Variants in PRKG1 observed in about 807,000 individuals in gnomAD.
The protein encoded by PRKG1 is protein kinase cGMP-dependent 1.
Under a neutral mutation model 88.1 loss-of-function variants are expected in PRKG1, and 35 were observed. The ratio of observed to expected loss-of-function variants is 0.40; its 90% CI spans 0.30 to 0.53. The LOEUF is 0.53. PRKG1 is among the 20% of genes least tolerant of loss of function. The probability of loss-of-function intolerance (pLI) is 0.59; values close to 1 mark genes in which losing one functional copy is unlikely to be tolerated. For missense variants in PRKG1, 540 were observed against 839.8 expected, an observed-to-expected ratio of 0.64 and a Z score of 4.41; for synonymous variants, 303 against 292.5, an observed-to-expected ratio of 1.04 and a Z score of -0.37.
chr10:51,319,600 C>G (rs1841404113), intron 2 of PRKG1, among the ~76,000 whole-genome samples: 1 of 152,168 alleles, frequency 6.6e-6, no homozygotes, highest in Admixed American at 6.5e-5. Context: ...GGATACAGTT[C>G]AAGTTTCAGT....
At chr10:51,415,864 G>A (rs1248168767) in intron 2 of PRKG1, among the ~76,000 whole-genome samples, 4 of 151,918 alleles carry the variant, frequency 2.6e-5, no homozygotes, top group Non-Finnish European at 5.9e-5. Flanking sequence ...GGGTTAGGGG[G>A]AAATTAGATT....
At chr10:51,359,220 T>C (rs1842428007) in intron 2 of PRKG1, among the ~76,000 whole-genome samples, 1 of 151,952 alleles carries the variant, frequency 6.6e-6, no homozygotes, top group South Asian at 2.1e-4. Flanking sequence ...ACTAACTGTA[T>C]TCTAGTGAAG....
chr10:51,203,096 A>G (rs548294916), intron 2 of PRKG1, among the ~76,000 whole-genome samples: 2 of 150,832 alleles, frequency 1.3e-5, no homozygotes, highest in Non-Finnish European at 3.0e-5. Flanking sequence ...ATACAGAGGG[A>G]GAGAGAGAGA....
At chr10:51,711,452 G>T (rs564874741) in intron 3 of PRKG1, among the ~76,000 whole-genome samples, 1 of 151,984 alleles carries the variant, frequency 6.6e-6, no homozygotes, top group Non-Finnish European at 1.5e-5. Context: ...TCTTTCTCCT[G>T]TTTCTATAAT....
At chr10:52,173,769 T>A (rs999755634) in intron 9 of PRKG1, among the ~76,000 whole-genome samples, 3 of 152,132 alleles carry the variant, frequency 2.0e-5, no homozygotes, top group Non-Finnish European at 4.4e-5. Flanking sequence ...TCAAAAACTG[T>A]ACAAACATTT....
intron 2 of PRKG1, among the ~76,000 whole-genome samples, chr10:51,274,352 A>C (rs1281705888): frequency 6.6e-6 from 1 of 152,182 alleles, no homozygotes; most frequent in Non-Finnish European, 1.5e-5. Flanking sequence ...TGTCCACTGA[A>C]AGTTGCAATT....
At chr10:51,218,369 G>A (rs949221962) in intron 2 of PRKG1, among the ~76,000 whole-genome samples, 1 of 151,322 alleles carries the variant, frequency 6.6e-6, no homozygotes, top group African/African-American at 2.4e-5. Flanking sequence ...CCTCAACTAT[G>A]AGATCACAGT....
intron 4 of PRKG1, among the ~76,000 whole-genome samples, chr10:51,850,913 G>A (rs1294764707): frequency 6.6e-6 from 1 of 152,056 alleles, no homozygotes; most frequent in Non-Finnish European, 1.5e-5. Flanking sequence ...TCTACTGGAG[G>A]GGAATCTGAT....
At chr10:52,086,338 AC>A (rs200297297) in intron 7 of PRKG1, among the ~76,000 whole-genome samples, 8,268 of 151,786 alleles carry the variant, frequency 0.054, 512 homozygotes, top group East Asian at 0.34. Context: ...TAAAAGTAGC[AC>A]ACTATACACT....
At chr10:51,969,855 T>A (rs2447651) in intron 5 of PRKG1, among the ~76,000 whole-genome samples, 152,045 of 152,058 alleles carry the variant, frequency 1, 76,016 homozygotes, top group Non-Finnish European at 1. Context: ...CTTAAAAAAG[T>A]CCTCTTTATT....
chr10:51,729,840 T>A (rs2132468625), intron 3 of PRKG1, among the ~76,000 whole-genome samples: 1 of 152,236 alleles, frequency 6.6e-6, no homozygotes, highest in African/African-American at 2.4e-5. Context: ...ATACCCCTTT[T>A]AAAAAATTAT....
intron 3 of PRKG1, among the ~76,000 whole-genome samples, chr10:51,745,163 A>G (rs902315561): frequency 2.6e-5 from 4 of 152,200 alleles, no homozygotes; most frequent in Non-Finnish European, 5.9e-5. Context: ...TTATCCTACC[A>G]TCACCTTATT....
intron 2 of PRKG1, among the ~76,000 whole-genome samples, chr10:51,414,139 A>G (rs1838175294): frequency 6.6e-6 from 1 of 152,208 alleles, no homozygotes; most frequent in Non-Finnish European, 1.5e-5. Context: ...TGCAGTGCCC[A>G]TCATGAAGCC....
chr10:51,891,193 G>T (rs1217418777), intron 4 of PRKG1, among the ~76,000 whole-genome samples: 1 of 152,148 alleles, frequency 6.6e-6, no homozygotes, highest in African/African-American at 2.4e-5. Flanking sequence ...GAGCTCAGGA[G>T]TTTGAGGCTA....
intron 8 of PRKG1, among the ~76,000 whole-genome samples, chr10:52,144,106 A>C (rs764830112): frequency 2.6e-5 from 4 of 152,136 alleles, no homozygotes; most frequent in Non-Finnish European, 4.4e-5. Flanking sequence ...GAGTAGGTAT[A>C]TTACAAGTGA....
intron 5 of PRKG1, among the ~76,000 whole-genome samples, chr10:51,982,114 C>T (rs997492108): frequency 1.3e-5 from 2 of 152,162 alleles, no homozygotes; most frequent in African/African-American, 4.8e-5. Flanking sequence ...GCTATTAATA[C>T]TTGTGATTGC....
rs1250549633 is a variant in PRKG1 at position 52,294,993 on chromosome 10, T to C, written c.*1093T>C. On this transcript the variant is annotated 3_prime_UTR_variant, in exon 18 of 18. Coordinates refer to ENST00000373980, the MANE Select transcript of PRKG1 (RefSeq NM_006258.4). ...TTATTAAACCAAACTCCTGTCCAAT[T>C]TCACTTATACAACATAGTCAGTCTA... The C allele has an allele frequency of 1.3e-5, 2 of 152,552 alleles. No individual in the cohort carries two copies. The highest frequency in any genetic ancestry group is 2.9e-5 in the Non-Finnish European group (2 of 68,016). The allele number at this position is 152,552 out of a possible 1,614,324, so 9.4% of individuals were successfully genotyped here.
At chr10:52,258,081 C>G (rs2132411147) in intron 10 of PRKG1, among the ~76,000 whole-genome samples, 1 of 139,298 alleles carries the variant, frequency 7.2e-6, no homozygotes, top group South Asian at 2.3e-4. Flanking sequence ...ACTTTCTAAC[C>G]CATCTTGTGA....
At chr10:51,378,768 G>GA (rs1055577629) in intron 2 of PRKG1, among the ~76,000 whole-genome samples, 46 of 149,338 alleles carry the variant, frequency 3.1e-4, no homozygotes, top group Non-Finnish European at 5.7e-4. Context: ...TTTCTCATCT[G>GA]AAAAAAAAAT....
Sources: allele counts gnomAD v4.1 joint callset (sites outside exome capture counted in the v4.1 genomes callset), GRCh38; gene constraint gnomAD v4.1.1; transcripts MANE v1.5; gene names NCBI Gene and HGNC (gene_info 2026-07-23, HGNC 2026-07-21).